Variants in AQR observed in about 807,000 individuals in gnomAD.
The protein encoded by AQR is RNA helicase aquarius.
AQR carries 61 observed loss-of-function variants against 180.5 expected under a neutral mutation model. That is an observed-to-expected ratio of 0.34 (90% CI 0.28 to 0.42). The LOEUF (loss-of-function observed/expected upper bound fraction) is 0.42, where lower values mean the gene tolerates loss of function less well. AQR is among the 10% of genes least tolerant of loss of function. AQR has a pLI of 1.00. For synonymous variants in AQR, 551 were observed against 588.8 expected (o/e 0.94, Z 0.93); for missense variants, 1,281 against 1,798.3 (o/e 0.71, Z 5.20).
intron 18 of AQR, among the ~76,000 whole-genome samples, chr15:34,905,335 T>C (rs1893395649): frequency 6.6e-6 from 1 of 151,996 alleles, no homozygotes; most frequent in Non-Finnish European, 1.5e-5. Flanking sequence ...TAGACATGTA[T>C]GCAGTTGTAA....
chr15:34,923,191 C>A (rs1481474461), intron 13 of AQR, among the ~76,000 whole-genome samples: 1 of 152,014 alleles, frequency 6.6e-6, no homozygotes, highest in Admixed American at 6.6e-5. Flanking sequence ...TACTTCATAG[C>A]TTTATCATAG....
intron 23 of AQR, among the ~76,000 whole-genome samples, chr15:34,892,994 G>C (rs1893173377): frequency 6.6e-6 from 1 of 152,086 alleles, no homozygotes; most frequent in African/African-American, 2.4e-5. Context: ...GCCTTTCCTG[G>C]TATTTTGTGG....
At chr15:34,959,194 ACT>A (rs1037404872) in intron 3 of AQR, among the ~76,000 whole-genome samples, 2 of 152,028 alleles carry the variant, frequency 1.3e-5, no homozygotes, top group African/African-American at 4.8e-5. Flanking sequence ...ACAGGGTCTC[ACT>A]CTGTTGCCCA....
intron 26 of AQR, 143 bp from the exon 27 acceptor site, chr15:34,882,782 T>A: frequency 1.3e-6 from 1 of 798,088 alleles, no homozygotes; most frequent in Non-Finnish European, 1.8e-6. Context: ...TTCTGTTCAT[T>A]ATGATTTCGG....
rs1396299209 is a variant in AQR, at chr15:34,884,706, C to T, written c.2846G>A (p.Ser949Asn). 1.2e-6 allele frequency: 2 copies of T among 1,603,674 alleles called. No individual in the cohort carries two copies. The highest frequency in any genetic ancestry group is 2.3e-5 in the East Asian group (1 of 44,408). Residue 949 changes from serine to asparagine, a missense_variant, in exon 26 of 35, where the codon AGC becomes AAC. Around this residue, in one of 9 missense-constraint regions of AQR, gnomAD observed 125 missense variants for 185.0 expected, o/e 0.68. Transcript: ENST00000156471. ...QVMSRWEEYI[S>N]KVKNKGSTLP... ...TGTACTACCTTTATTTTTCACTTTG[C>T]TGATATACTCTTCCCAGCGAGACAT...
At chr15:34,880,535 C>CA (rs1300977854) in intron 27 of AQR, among the ~76,000 whole-genome samples, 1 of 151,610 alleles carries the variant, frequency 6.6e-6, no homozygotes, top group African/African-American at 2.4e-5. Flanking sequence ...ACTAAACAAA[C>CA]AAAAAAGGCG....
At chr15:34,886,896 G>A (rs62006147) in intron 24 of AQR, among the ~76,000 whole-genome samples, 8,547 of 151,614 alleles carry the variant, frequency 0.056, 347 homozygotes, top group Non-Finnish European at 0.071. Context: ...AGGCTGAGGC[G>A]GACAGATCAT....
At chr15:34,938,858 C>A (rs1161995002) in intron 8 of AQR, 45 bp from the exon 9 acceptor site, 3 of 1,378,046 alleles carry the variant, frequency 2.2e-6, no homozygotes, top group Admixed American at 3.6e-5. Flanking sequence ...GAAGAATAGT[C>A]ATTTCAAAAG....
chr15:34,905,775 A>G (rs1893402716), intron 18 of AQR, among the ~76,000 whole-genome samples: 1 of 152,174 alleles, frequency 6.6e-6, no homozygotes, highest in South Asian at 2.1e-4. Context: ...ATGGTAAAGT[A>G]TTACATATTT....
rs1313410407 is a variant in AQR at position 34,852,761 on chromosome 15, G to A, written c.*4031C>T. Reference sequence around the variant, plus strand: ...ATCTGACCATAGAACATATTTCTCAGAGTATTTTTCAAGAGTAGTATTTTC... The same window carrying A: ...ATCTGACCATAGAACATATTTCTCAAAGTATTTTTCAAGAGTAGTATTTTC... On this transcript the variant is annotated 3_prime_UTR_variant, in exon 35 of 35. Transcript: ENST00000156471. 5 of 152,160 alleles carry A rather than the reference G, an allele frequency of 3.3e-5. No individual in the cohort carries two copies. Among genetic ancestry groups the A allele is most frequent in the Non-Finnish European group, 7.3e-5 (5 of 68,040 alleles). The allele number at this position is 152,160 out of a possible 1,614,324, so 9.4% of individuals were successfully genotyped here.
intron 16 of AQR, among the ~76,000 whole-genome samples, chr15:34,911,431 T>C (rs1893496853): frequency 1.3e-5 from 2 of 152,330 alleles, no homozygotes; most frequent in Admixed American, 1.3e-4. Flanking sequence ...AGTTCCCTTT[T>C]CTCCACATCC....
At position 34,927,055 on chromosome 15, in the gene AQR, G is replaced by C. The variant is rs1893775479; in HGVS notation, c.1098C>G (p.Val366=). 2 of 1,587,792 alleles carry C rather than the reference G, an allele frequency of 1.3e-6. No individual in the cohort carries two copies. The highest frequency in any genetic ancestry group is 2.7e-5 in the African/African-American group (2 of 74,116). The part of the protein sequence containing the change: ...VAEVDTRESL[V]KFFGPLSSNT... ...CTTACCTAAGAGGTCCAAAAAACTT[G>C]ACCAAGGACTCCCGAGTATCTACTT... is the stretch of plus-strand genomic sequence containing the variant. The change falls in exon 13 of 35, where the codon GTC becomes GTG. Residue 366 remains valine (V), a synonymous_variant. Transcript: ENST00000156471.
chr15:34,917,078 T>A (rs1893605803), intron 15 of AQR, among the ~76,000 whole-genome samples: 1 of 152,206 alleles, frequency 6.6e-6, no homozygotes, highest in South Asian at 2.1e-4. Context: ...TAGCAATCGC[T>A]ATCTTGAATT....
intron 34 of AQR, among the ~76,000 whole-genome samples, chr15:34,858,284 T>G (rs1892618937): frequency 2.1e-5 from 3 of 140,506 alleles, no homozygotes; most frequent in Non-Finnish European, 1.5e-5. Context: ...GCGCCTGGCC[T>G]TTAAGATTTT....
chr15:34,960,871 T>C, intron 2 of AQR, 57 bp from the exon 3 acceptor site: 1 of 635,656 alleles, frequency 1.6e-6, no homozygotes, highest in Non-Finnish European at 2.6e-6. Context: ...AACCCTAAAT[T>C]GACAGTTTTT....
chr15:34,857,574 AC>A (rs1297278085), intron 34 of AQR, among the ~76,000 whole-genome samples: 1 of 152,050 alleles, frequency 6.6e-6, no homozygotes, highest in East Asian at 1.9e-4. Flanking sequence ...ACATGGTGAA[AC>A]CCCATCTCTA....
Position 34,858,129 on chromosome 15 carries a change from A to C in AQR, c.4144-1023T>G, listed in dbSNP as rs1161477465. On this transcript the variant is annotated intron_variant, in intron 34 of 34. Coordinates refer to ENST00000156471, the MANE Select transcript of AQR (RefSeq NM_014691.3). ...CTCCCAAGTAGCTGGGATTACAGAC[A>C]TGTACCACCATGCCTGGCTAATTTT... 2.0e-5 allele frequency among the ~76,000 whole-genome samples: 3 copies of C among 151,668 alleles called. No homozygotes were observed. The East Asian group carries it at 5.9e-4, about 30-fold the overall frequency.
intron 16 of AQR, 75 bp from the exon 17 acceptor site, chr15:34,910,388 T>TA: frequency 6.8e-7 from 1 of 1,475,422 alleles, no homozygotes; most frequent in Admixed American, 1.9e-5. Flanking sequence ...TTAAAACTAG[T>TA]AAGTAGGAAT....
At chr15:34,897,798 G>A (rs1373516864) in intron 20 of AQR, 93 bp from the exon 21 acceptor site, 10 of 1,356,374 alleles carry the variant, frequency 7.4e-6, no homozygotes, top group African/African-American at 4.4e-5. Flanking sequence ...GATAATCAGA[G>A]GAGTAAGAAA....
Sources: allele counts gnomAD v4.1 joint callset (sites outside exome capture counted in the v4.1 genomes callset), GRCh38; gene constraint gnomAD v4.1.1; regional missense constraint gnomAD v4.1.1; transcripts MANE v1.5; gene names NCBI Gene and HGNC (gene_info 2026-07-23, HGNC 2026-07-21).